The following SCN11A variants were observed in gnomAD, a reference collection of about 807,000 sequenced individuals.
SCN11A encodes the protein sodium channel protein type 11 subunit alpha.
A neutral mutation model predicts 162.2 loss-of-function variants in SCN11A; 122 were observed. The ratio of observed to expected loss-of-function variants is 0.75; its 90% CI spans 0.65 to 0.87. The LOEUF (loss-of-function observed/expected upper bound fraction) is 0.87. Ranked by LOEUF, SCN11A falls within the 40% of genes least tolerant of loss-of-function variation. The probability of loss-of-function intolerance (pLI) is 0.00; values close to 1 mark genes in which losing one functional copy is unlikely to be tolerated. For missense variants in SCN11A, 2,015 were observed against 2,181.6 expected (o/e 0.92, Z 1.52); for synonymous variants, 758 against 751.5 (o/e 1.01, Z -0.14).
intron 2 of SCN11A, among the ~76,000 whole-genome samples, chr3:39,009,197 ATTTGT>A (rs889797969): frequency 4.6e-5 from 7 of 152,060 alleles, no homozygotes; most frequent in African/African-American, 1.7e-4. Context: ...TTCTTATTAT[ATTTGT>A]TTTGTTTTAG....
intron 2 of SCN11A, among the ~76,000 whole-genome samples, chr3:38,970,363 A>T (rs2066809634): frequency 6.6e-6 from 1 of 152,190 alleles, no homozygotes; most frequent in South Asian, 2.1e-4. Context: ...AATTTACCTG[A>T]GTATTTCTTT....
At chr3:38,964,443 G>A (rs1437838316) in intron 2 of SCN11A, among the ~76,000 whole-genome samples, 1 of 152,182 alleles carries the variant, frequency 6.6e-6, no homozygotes. Context: ...GCATGCATCT[G>A]CTGCATGAGA....
At chr3:38,910,317 C>A (rs2065869528) in intron 11 of SCN11A, 110 bp from the exon 12 acceptor site, 2 of 1,081,218 alleles carry the variant, frequency 1.8e-6, no homozygotes, top group Non-Finnish European at 2.7e-6. Context: ...ACCAGGAGCC[C>A]TAGAGGAAGG....
chr3:38,890,096 C>T (rs927670519), intron 19 of SCN11A, among the ~76,000 whole-genome samples: 5 of 152,070 alleles, frequency 3.3e-5, no homozygotes, highest in Admixed American at 6.5e-5. Flanking sequence ...TTCCATCTAG[C>T]CCTCCACTCA....
chr3:39,035,879 T>C (rs530336486), intron 1 of SCN11A, among the ~76,000 whole-genome samples: 121 of 152,314 alleles, frequency 7.9e-4, no homozygotes, highest in Middle Eastern at 3.4e-3. Context: ...GACCTTGTGA[T>C]CCACCCGCCT....
At chr3:38,975,387 A>C (rs2066844176) in intron 2 of SCN11A, among the ~76,000 whole-genome samples, 1 of 152,224 alleles carries the variant, frequency 6.6e-6, no homozygotes. Flanking sequence ...GTCTAATAGA[A>C]TAATGTCTAA....
chr3:38,952,920 A>C (rs918921186), intron 4 of SCN11A, among the ~76,000 whole-genome samples: 21 of 152,304 alleles, frequency 1.4e-4, no homozygotes, highest in African/African-American at 4.8e-4. Context: ...CAGCAGAGGG[A>C]GAGAGTGGGC....
intron 28 of SCN11A, among the ~76,000 whole-genome samples, chr3:38,858,977 A>AT (rs1479530675): frequency 1.3e-5 from 2 of 152,170 alleles, no homozygotes; most frequent in Non-Finnish European, 2.9e-5. Context: ...GAACTGAATG[A>AT]TAACAGTGAC....
chr3:38,994,085 G>A (rs2030536110), intron 2 of SCN11A, among the ~76,000 whole-genome samples: 1 of 152,104 alleles, frequency 6.6e-6, no homozygotes, highest in African/African-American at 2.4e-5. Flanking sequence ...TGGTCTTCCT[G>A]GGATCGCTCC....
intron 11 of SCN11A, 60 bp from the exon 12 acceptor site, chr3:38,910,267 C>T: frequency 6.5e-7 from 1 of 1,526,820 alleles, no homozygotes; most frequent in Non-Finnish European, 8.9e-7. Flanking sequence ...CTTCTTTTTC[C>T]TTCCAACGAC....
intron 2 of SCN11A, among the ~76,000 whole-genome samples, chr3:38,994,812 C>A (rs1489490190): frequency 6.6e-6 from 1 of 152,128 alleles, no homozygotes; most frequent in African/African-American, 2.4e-5. Context: ...GAGGGACCTA[C>A]ACTCACAGGG....
chr3:38,913,272 GTAAGTCTTCTTTAAAAAAAAAGTCT>G (rs1457684720), intron 11 of SCN11A, among the ~76,000 whole-genome samples: 1 of 151,986 alleles, frequency 6.6e-6, no homozygotes, highest in Non-Finnish European at 1.5e-5. Context: ...TTGGCTGCAT[GTAAGTCTTCTTTAAAAAAAAAGTCT>G]ATTCATGTCC....
In SCN11A at chr3:38,875,475, A is replaced by C. The variant is rs2065193394; in HGVS notation, c.3394-3181T>G. Among the ~76,000 whole-genome samples the C allele has an allele frequency of 2.0e-5, 3 of 152,038 alleles. No individual in the cohort carries two copies. In the South Asian group the frequency reaches 6.2e-4, roughly 32 times the overall value. On this transcript the variant is annotated intron_variant, in intron 23 of 29. Transcript: ENST00000302328. ...AGAAAATCCTAGAGTCATCCAAAAA[A>C]CTCCTAGAACTGGCAAATGAATTCA...
chr3:38,915,001 G>A (rs568888281), intron 11 of SCN11A, among the ~76,000 whole-genome samples: 84 of 152,172 alleles, frequency 5.5e-4, no homozygotes, highest in African/African-American at 2.0e-3. Flanking sequence ...GAATGATTTG[G>A]GGAGGAGTCT....
In SCN11A at chr3:38,883,394, G is replaced by C. The variant is rs1397348921; in HGVS notation, c.3065-7C>G. ...GGAAAGCAGCAACCAAAGCCTGAAA[G>C]GAATTAATGGTAGCACTATCATTAG... On this transcript the variant is annotated splice_region_variant and splice_polypyrimidine_tract_variant and intron_variant, in intron 21 of 29. Coordinates refer to ENST00000302328, the MANE Select transcript of SCN11A (RefSeq NM_001349253.2). The C allele has an allele frequency of 6.2e-7, 1 of 1,610,454 alleles. No individual in the cohort carries two copies. The highest frequency in any genetic ancestry group is 1.7e-5 in the Admixed American group (1 of 59,376).
chr3:38,908,398 C>G (rs1170329614), intron 13 of SCN11A, among the ~76,000 whole-genome samples: 1 of 152,166 alleles, frequency 6.6e-6, no homozygotes, highest in Non-Finnish European at 1.5e-5. Flanking sequence ...GCTAGGCACT[C>G]AATAAATACT....
intron 14 of SCN11A, among the ~76,000 whole-genome samples, chr3:38,905,559 C>T (rs1049272875): frequency 3.9e-5 from 6 of 152,200 alleles, no homozygotes; most frequent in African/African-American, 1.4e-4. Context: ...TAGAGTCCTA[C>T]CTACAGACAT....
At chr3:38,988,624 T>C (rs2030345186) in intron 2 of SCN11A, among the ~76,000 whole-genome samples, 1 of 152,204 alleles carries the variant, frequency 6.6e-6, no homozygotes, top group Non-Finnish European at 1.5e-5. Context: ...AGTTCTACCA[T>C]CAGCTTGGGA....
chr3:38,946,701 T>C (rs2066521495), intron 6 of SCN11A, 88 bp downstream of exon 6: 1 of 828,610 alleles, frequency 1.2e-6, no homozygotes, highest in Non-Finnish European at 2.0e-6. Context: ...GAATTAGCTA[T>C]TTGCTTCCAT....
Sources: allele counts gnomAD v4.1 joint callset (sites outside exome capture counted in the v4.1 genomes callset), GRCh38; gene constraint gnomAD v4.1.1; transcripts MANE v1.5; gene names NCBI Gene and HGNC (gene_info 2026-07-23, HGNC 2026-07-21).